Variants in DMD observed in about 807,000 individuals in gnomAD.
The protein encoded by DMD is mutant dystrophin.
Under a neutral mutation model 330.1 loss-of-function variants are expected in DMD, and 63 were observed. That is an observed-to-expected ratio of 0.19 (90% CI 0.16 to 0.24). The LOEUF is 0.24. Among genes scored for constraint, DMD ranks in the 10% least tolerant of loss-of-function variants. DMD has a pLI of 1.00. For missense variants in DMD, 3,344 were observed against 2,684.1 expected, an observed-to-expected ratio of 1.25 and a Z score of -5.43; for synonymous variants, 1,223 against 959.8, an observed-to-expected ratio of 1.27 and a Z score of -5.07.
At chrX:33,032,509 G>C (rs1430405607) in intron 1 of DMD, among the ~76,000 whole-genome samples, 1 of 111,562 alleles carries the variant, frequency 9.0e-6, no homozygotes, top group East Asian at 2.8e-4. Flanking sequence ...AAAAAGAGAG[G>C]GTTGTATTCC....
intron 41 of DMD, among the ~76,000 whole-genome samples, chrX:32,331,214 G>A (rs2097677781): frequency 9.0e-6 from 1 of 111,500 alleles, no homozygotes; most frequent in Admixed American, 9.5e-5. Flanking sequence ...CTAAGAAAAG[G>A]GAATGGAAGG....
intron 60 of DMD, among the ~76,000 whole-genome samples, chrX:31,379,388 C>T (rs953047515): frequency 2.7e-5 from 3 of 111,174 alleles, no homozygotes; most frequent in African/African-American, 6.6e-5. Flanking sequence ...AATCAGATAG[C>T]GTTTAGGCTC....
At chrX:33,208,226 A>G (rs1355653678) in intron 1 of DMD, among the ~76,000 whole-genome samples, 2 of 111,860 alleles carry the variant, frequency 1.8e-5, no homozygotes, top group African/African-American at 6.5e-5. Context: ...ACCATTATAA[A>G]TTCTTTTAAC....
At chrX:32,679,902 CTTTT>C (rs766270656) in intron 9 of DMD, among the ~76,000 whole-genome samples, 158 of 23,510 alleles carry the variant, frequency 6.7e-3, no homozygotes, top group African/African-American at 0.027. Context: ...AATATTTGTA[CTTTT>C]TTTTTTTTTT....
intron 7 of DMD, among the ~76,000 whole-genome samples, chrX:32,700,407 T>C (rs1451797202): frequency 9.0e-6 from 1 of 111,109 alleles, no homozygotes; most frequent in Non-Finnish European, 1.9e-5. Flanking sequence ...TACCAGGGGC[T>C]GTGGGGCAGG....
At chrX:31,723,104 G>A (rs2085706677) in intron 52 of DMD, among the ~76,000 whole-genome samples, 1 of 108,107 alleles carries the variant, frequency 9.3e-6, no homozygotes, top group Admixed American at 1.0e-4. Context: ...AAGTTGGCAG[G>A]GTTGGGGGTT....
At chrX:31,673,483 T>C (rs1247822637) in intron 53 of DMD, among the ~76,000 whole-genome samples, 1 of 110,839 alleles carries the variant, frequency 9.0e-6, no homozygotes, top group Non-Finnish European at 1.9e-5. Flanking sequence ...CGTGGTGGAA[T>C]GTGCCTGTAG....
At chrX:32,965,352 G>C (rs111464625) in intron 2 of DMD, among the ~76,000 whole-genome samples, 18,434 of 109,348 alleles carry the variant, frequency 0.17, 2,064 homozygotes, top group African/African-American at 0.41. Context: ...AAATTATCCG[G>C]GTGTGGTGGC....
chrX:31,483,968 T>C (rs757890823), intron 57 of DMD, among the ~76,000 whole-genome samples: 3 of 111,572 alleles, frequency 2.7e-5, no homozygotes, highest in Middle Eastern at 4.6e-3. Context: ...CTTTGTAGCA[T>C]GGAGCTTAAA....
At chrX:32,766,579 TAGC>T (rs1163249328) in intron 7 of DMD, among the ~76,000 whole-genome samples, 1 of 111,586 alleles carries the variant, frequency 9.0e-6, no homozygotes, top group Non-Finnish European at 1.9e-5. Context: ...TTATTAGTTC[TAGC>T]AGGTTTTTTG....
At chrX:32,824,073 A>G (rs1219802687) in intron 4 of DMD, among the ~76,000 whole-genome samples, 1 of 112,090 alleles carries the variant, frequency 8.9e-6, no homozygotes, top group Non-Finnish European at 1.9e-5. Context: ...CTGCACATTT[A>G]TCATAATGGT....
intron 55 of DMD, among the ~76,000 whole-genome samples, chrX:31,619,389 T>G (rs1253003618): frequency 1.3e-5 from 1 of 77,264 alleles, no homozygotes; most frequent in Non-Finnish European, 2.5e-5. Flanking sequence ...ATAAAATATT[T>G]AGTTATTATT....
intron 1 of DMD, among the ~76,000 whole-genome samples, chrX:33,284,404 G>A (rs1341092889): frequency 1.8e-5 from 2 of 110,560 alleles, no homozygotes; most frequent in African/African-American, 6.6e-5. Flanking sequence ...TTAATTTTTG[G>A]AACTTTTAGT....
At chrX:33,167,828 C>CATG (rs1435932200) in intron 1 of DMD, among the ~76,000 whole-genome samples, 3 of 111,100 alleles carry the variant, frequency 2.7e-5, no homozygotes, top group South Asian at 3.7e-4. Flanking sequence ...GTGTGGCCTT[C>CATG]AGCATGCTCA....
intron 1 of DMD, among the ~76,000 whole-genome samples, chrX:33,207,346 T>C (rs572198237): frequency 2.7e-5 from 3 of 111,069 alleles, no homozygotes; most frequent in East Asian, 2.8e-4. Flanking sequence ...CTGTAATATA[T>C]GAGGGAAACA....
chrX:31,392,964 A>G (rs1372802111), intron 60 of DMD, among the ~76,000 whole-genome samples: 2 of 112,148 alleles, frequency 1.8e-5, no homozygotes, highest in Non-Finnish European at 3.8e-5. Context: ...AGTTTCCAGC[A>G]AGGAAGAGGT....
At chrX:32,646,363 A>T (rs751917603) in intron 9 of DMD, among the ~76,000 whole-genome samples, 2 of 111,631 alleles carry the variant, frequency 1.8e-5, no homozygotes, top group East Asian at 5.6e-4. Flanking sequence ...AACATGCTCA[A>T]GAGGGACTTT....
intron 1 of DMD, among the ~76,000 whole-genome samples, chrX:33,156,284 G>T (rs1396211519): frequency 8.9e-6 from 1 of 111,904 alleles, no homozygotes; most frequent in East Asian, 2.8e-4. Context: ...GGAAAATCTT[G>T]CTCTTTATTA....
chrX:32,738,056 G>T (rs1908563102), intron 7 of DMD, among the ~76,000 whole-genome samples: 1 of 111,829 alleles, frequency 8.9e-6, no homozygotes, highest in South Asian at 3.7e-4. Context: ...CATACAGGAA[G>T]CTGTAATTAA....
Sources: allele counts gnomAD v4.1 joint callset (sites outside exome capture counted in the v4.1 genomes callset), GRCh38; gene constraint gnomAD v4.1.1; transcripts MANE v1.5; gene names NCBI Gene and HGNC (gene_info 2026-07-23, HGNC 2026-07-21).